WDR41: variants seen among roughly 807,000 people sequenced by gnomAD.
The protein encoded by WDR41 is WD repeat-containing protein 41.
A neutral mutation model predicts 69.3 loss-of-function variants in WDR41; 63 were observed. The ratio of observed to expected loss-of-function variants is 0.91; its 90% CI spans 0.74 to 1.12. WDR41 has a LOEUF of 1.12. WDR41 is among the 50% of genes most tolerant of loss of function. The probability of loss-of-function intolerance (pLI) is 0.00; values close to 1 mark genes in which losing one functional copy is unlikely to be tolerated. For missense variants in WDR41, 543 were observed against 534.5 expected (o/e 1.02, Z -0.16); for synonymous variants, 185 against 192.1 (o/e 0.96, Z 0.31).
intron 2 of WDR41, among the ~76,000 whole-genome samples, chr5:77,474,574 G>A (rs1335514669): frequency 6.6e-6 from 1 of 152,198 alleles, no homozygotes; most frequent in Non-Finnish European, 1.5e-5. Flanking sequence ...AGCCATAGAT[G>A]CTGACGCAAC....
chr5:77,565,093 A>C (rs1326072019), intron 1 of WDR41, among the ~76,000 whole-genome samples: 1 of 152,120 alleles, frequency 6.6e-6, no homozygotes, highest in Non-Finnish European at 1.5e-5. Flanking sequence ...TGCAGAGCAC[A>C]ATAACCTGAG....
chr5:77,605,984 T>C (rs981664610), intron 1 of WDR41, among the ~76,000 whole-genome samples: 11 of 152,144 alleles, frequency 7.2e-5, no homozygotes, highest in Admixed American at 6.6e-4. Flanking sequence ...TGTGCATGTA[T>C]ATGTTAAGAA....
At chr5:77,516,790 G>T (rs943022355) in intron 1 of WDR41, among the ~76,000 whole-genome samples, 2 of 152,124 alleles carry the variant, frequency 1.3e-5, no homozygotes, top group African/African-American at 4.8e-5. Flanking sequence ...AGGCCGAGGC[G>T]GGTGGATCAC....
chr5:77,489,693 G>A, intron 1 of WDR41, 121 bp from the exon 2 acceptor site: 1 of 505,826 alleles, frequency 2.0e-6, no homozygotes, highest in South Asian at 4.0e-5. Context: ...GATTTTAAAA[G>A]CCTTAAGGTA....
At chr5:77,508,614 G>A (rs191313380) in intron 1 of WDR41, among the ~76,000 whole-genome samples, 138 of 152,104 alleles carry the variant, frequency 9.1e-4, no homozygotes, top group African/African-American at 3.1e-3. Flanking sequence ...TCTTGTGTAT[G>A]GGTCACACCT....
intron 7 of WDR41, among the ~76,000 whole-genome samples, chr5:77,450,348 C>T (rs145167331): frequency 3.9e-5 from 6 of 152,298 alleles, no homozygotes; most frequent in Admixed American, 6.5e-5. Context: ...GCTTCTGATT[C>T]CTAGGCATAT....
Position 77,542,337 on chromosome 5 carries a change from C to T in WDR41, c.43-52765G>A, listed in dbSNP as rs958003293. On this transcript the variant is annotated intron_variant, in intron 1 of 5. Transcript: ENST00000509971. The stretch of plus-strand genomic sequence containing the variant: ...TAGCTAATGGGTGCTGGGCTTAATA[C>T]GTAGGTGATGGGATGATCTGTACAG... Among the ~76,000 whole-genome samples, 8 of 152,154 alleles carry T rather than the reference C, an allele frequency of 5.3e-5. No individual in the cohort carries two copies. The South Asian group carries it at 6.2e-4, about 12-fold the overall frequency.
chr5:77,463,878 A>AT, intron 3 of WDR41, among the ~76,000 whole-genome samples: 1 of 152,096 alleles, frequency 6.6e-6, no homozygotes, highest in East Asian at 1.9e-4. Context: ...TAAAGAACTG[A>AT]TTTTATCACA....
chr5:77,507,457 T>C (rs143067815), intron 1 of WDR41, among the ~76,000 whole-genome samples: 1 of 152,320 alleles, frequency 6.6e-6, no homozygotes, highest in African/African-American at 2.4e-5. Context: ...TCTCGTGTCA[T>C]CATTTTGCAA....
intron 2 of WDR41, among the ~76,000 whole-genome samples, chr5:77,483,763 G>A (rs1461000673): frequency 1.3e-5 from 2 of 152,084 alleles, no homozygotes; most frequent in Non-Finnish European, 2.9e-5. Context: ...GTTTATATAA[G>A]AAAGGCAGTA....
At chr5:77,602,824 G>A (rs191268886) in intron 1 of WDR41, among the ~76,000 whole-genome samples, 12 of 151,782 alleles carry the variant, frequency 7.9e-5, no homozygotes, top group African/African-American at 2.4e-4. Flanking sequence ...TTGTTTGTTT[G>A]TTTGAGAAAT....
At chr5:77,507,601 A>G (rs1802128651) in intron 1 of WDR41, among the ~76,000 whole-genome samples, 1 of 152,216 alleles carries the variant, frequency 6.6e-6, no homozygotes, top group African/African-American at 2.4e-5. Context: ...ATATAAGTAT[A>G]ACAGATTTTT....
chr5:77,581,762 A>G (rs1229074249), intron 1 of WDR41, among the ~76,000 whole-genome samples: 2 of 152,224 alleles, frequency 1.3e-5, no homozygotes, highest in African/African-American at 4.8e-5. Context: ...GACTTAAAGA[A>G]GAAATCAAAA....
At chr5:77,460,022 T>G (rs1388071255) in intron 4 of WDR41, among the ~76,000 whole-genome samples, 1 of 151,692 alleles carries the variant, frequency 6.6e-6, no homozygotes, top group East Asian at 1.9e-4. Context: ...AAAAAAAAAG[T>G]CATCTGGCAA....
At chr5:77,525,701 G>A (rs1217129563) in intron 1 of WDR41, among the ~76,000 whole-genome samples, 1 of 152,164 alleles carries the variant, frequency 6.6e-6, no homozygotes, top group Admixed American at 6.5e-5. Context: ...TCTTGTATAT[G>A]TTCCCAATTC....
At chr5:77,490,771 C>A (rs996600065) in intron 1 of WDR41, among the ~76,000 whole-genome samples, 1 of 152,140 alleles carries the variant, frequency 6.6e-6, no homozygotes, top group Non-Finnish European at 1.5e-5. Context: ...CAGGTTAAAA[C>A]AGAATTATCC....
chr5:77,530,911 T>C (rs116757794), intron 1 of WDR41, among the ~76,000 whole-genome samples: 1,640 of 151,898 alleles, frequency 0.011, 31 homozygotes, highest in African/African-American at 0.037. Context: ...CAGTTAAATG[T>C]TAATGGTACA....
intron 1 of WDR41, among the ~76,000 whole-genome samples, chr5:77,538,005 T>G (rs577199440): frequency 6.6e-6 from 1 of 152,120 alleles, no homozygotes; most frequent in South Asian, 2.1e-4. Flanking sequence ...ATTGTGTAGA[T>G]GTCAAGTCAG....
chr5:77,491,990 G>A (rs900024498), intron 1 of WDR41, 180 bp downstream of exon 1: 10 of 740,282 alleles, frequency 1.4e-5, no homozygotes, highest in South Asian at 4.0e-5. Context: ...CGGGTCTGAG[G>A]AGCTCCGGCT....
Sources: gnomAD v4.1 joint callset for allele counts (sites outside exome capture counted in the v4.1 genomes callset) on GRCh38, gnomAD v4.1.1 for gene constraint, MANE v1.5 for transcripts, NCBI Gene and HGNC (gene_info 2026-07-23, HGNC 2026-07-21) for gene names.